The following ZFHX3 variants were observed in gnomAD, a reference collection of about 807,000 sequenced individuals.
ZFHX3 encodes the protein zinc finger homeobox protein 3.
In ZFHX3, 42 loss-of-function variants were observed where a neutral mutation model predicts 279.1. The ratio of observed to expected loss-of-function variants is 0.15; its 90% confidence interval spans 0.12 to 0.19. The LOEUF is 0.19. Among genes scored for constraint, ZFHX3 ranks in the 10% least tolerant of loss-of-function variants. ZFHX3 has a pLI of 1.00. For missense variants in ZFHX3, 4,981 were observed against 4,754.0 expected (o/e 1.05, Z -1.40); for synonymous variants, 2,293 against 1,957.8 (o/e 1.17, Z -4.52).
chr16:73,140,367 T>C (rs548757083), intron 6 of ZFHX3, among the ~76,000 whole-genome samples: 2 of 152,166 alleles, frequency 1.3e-5, no homozygotes, highest in Non-Finnish European at 2.9e-5. Flanking sequence ...ATAATCTGGC[T>C]GTGATCAAAG....
intron 3 of ZFHX3, among the ~76,000 whole-genome samples, chr16:73,449,256 TTTTTA>T (rs1454923967): frequency 6.6e-6 from 1 of 152,230 alleles, no homozygotes; most frequent in Non-Finnish European, 1.5e-5. Context: ...TGTGTGTTTA[TTTTTA>T]TTTTATTTTC....
chr16:73,194,331 C>T (rs966642936), intron 5 of ZFHX3, among the ~76,000 whole-genome samples: 1 of 152,116 alleles, frequency 6.6e-6, no homozygotes, highest in Admixed American at 6.6e-5. Context: ...TCCAGAGTAG[C>T]TGGCACTATA....
At chr16:73,613,127 G>C (rs1046716106) in intron 2 of ZFHX3, among the ~76,000 whole-genome samples, 1 of 152,118 alleles carries the variant, frequency 6.6e-6, no homozygotes, top group African/African-American at 2.4e-5. Context: ...ATTAAACCTA[G>C]ATTTTAGAAG....
chr16:72,935,041 A>G (rs1334422457), intron 3 of ZFHX3, among the ~76,000 whole-genome samples: 1 of 152,244 alleles, frequency 6.6e-6, no homozygotes, highest in African/African-American at 2.4e-5. Context: ...ATTCTGCACA[A>G]TTTCTGTTTT....
chr16:72,907,623 G>A (rs1393625466), intron 3 of ZFHX3, among the ~76,000 whole-genome samples: 5 of 145,350 alleles, frequency 3.4e-5, no homozygotes, highest in Admixed American at 1.4e-4. Flanking sequence ...TATGCACACA[G>A]GTGCAGGCTC....
At chr16:72,828,213 C>A (rs964691407) in intron 5 of ZFHX3, among the ~76,000 whole-genome samples, 1 of 152,258 alleles carries the variant, frequency 6.6e-6, no homozygotes, top group Non-Finnish European at 1.5e-5. Flanking sequence ...TAAACATTTT[C>A]TCAAAAACAA....
intron 3 of ZFHX3, among the ~76,000 whole-genome samples, chr16:72,924,030 C>T (rs1959301697): frequency 6.6e-6 from 1 of 152,170 alleles, no homozygotes; most frequent in Non-Finnish European, 1.5e-5. Flanking sequence ...CTAGCACTTG[C>T]CCCAGGCACT....
At chr16:73,627,628 C>G (rs1432536423) in intron 2 of ZFHX3, among the ~76,000 whole-genome samples, 1 of 152,264 alleles carries the variant, frequency 6.6e-6, no homozygotes, top group African/African-American at 2.4e-5. Flanking sequence ...TTTAAGAAAA[C>G]AGCTGTTGGG....
chr16:73,232,666 T>C (rs1406843266), intron 5 of ZFHX3: 1 of 152,156 alleles, frequency 6.6e-6, no homozygotes, highest in Non-Finnish European at 1.5e-5. Flanking sequence ...CTCACAGTTT[T>C]GGTATCTCCT....
chr16:73,607,188 C>G (rs562339353), intron 2 of ZFHX3, among the ~76,000 whole-genome samples: 12 of 152,168 alleles, frequency 7.9e-5, no homozygotes, highest in Non-Finnish European at 1.8e-4. Context: ...ACCACCATGC[C>G]TGGCTAATTT....
At chr16:73,715,632 G>C (rs951565878) in intron 1 of ZFHX3, among the ~76,000 whole-genome samples, 7 of 144,272 alleles carry the variant, frequency 4.9e-5, no homozygotes, top group African/African-American at 1.9e-4. Context: ...GAATGCAATG[G>C]TGCGATCTCG....
At chr16:73,135,583 A>C (rs1166898344) in intron 6 of ZFHX3, among the ~76,000 whole-genome samples, 1 of 152,194 alleles carries the variant, frequency 6.6e-6, no homozygotes, top group Non-Finnish European at 1.5e-5. Context: ...ATGACCTATG[A>C]ACTGAATGTG....
chr16:73,364,847 T>C (rs1160795905), intron 3 of ZFHX3, among the ~76,000 whole-genome samples: 1 of 152,188 alleles, frequency 6.6e-6, no homozygotes, highest in Non-Finnish European at 1.5e-5. Flanking sequence ...AGTCTAGATA[T>C]TGGGACAAGA....
At chr16:73,272,532 C>T (rs1386108894) in intron 4 of ZFHX3, among the ~76,000 whole-genome samples, 3 of 152,138 alleles carry the variant, frequency 2.0e-5, no homozygotes, top group Non-Finnish European at 4.4e-5. Context: ...ATTTACTGAG[C>T]ACCTAACTTG....
At chr16:73,423,660 G>C (rs2017759127) in intron 3 of ZFHX3, among the ~76,000 whole-genome samples, 1 of 152,158 alleles carries the variant, frequency 6.6e-6, no homozygotes, top group Admixed American at 6.5e-5. Context: ...TCAGGAGTTT[G>C]AGAGCAGCCT....
At chr16:73,328,369 C>T (rs2015734178) in intron 3 of ZFHX3, among the ~76,000 whole-genome samples, 1 of 152,168 alleles carries the variant, frequency 6.6e-6, no homozygotes, top group African/African-American at 2.4e-5. Flanking sequence ...AATGAAACAT[C>T]ACTCACTGCT....
In ZFHX3 at chr16:72,854,934, T is replaced by C. The variant is rs376695534; in HGVS notation, c.3449-25075A>G. On this transcript the variant is annotated intron_variant, in intron 4 of 9. Coordinates refer to ENST00000268489, the MANE Select transcript of ZFHX3 (RefSeq NM_006885.4). ...AAATAGAAATTAAAACACAAATTGG[T>C]GGGTGGGGGGGGGGTGTCAAATGGA... 8.6e-4 allele frequency among the ~76,000 whole-genome samples: 6 copies of C among 7,000 alleles called. No individual in the cohort carries two copies. In the Admixed American group the frequency reaches 0.011, roughly 13 times the overall value. The allele number at this position is 7,000 out of a possible 152,430, so 4.6% of individuals were successfully genotyped here.
intron 3 of ZFHX3, among the ~76,000 whole-genome samples, chr16:73,352,743 A>C (rs1304144525): frequency 6.6e-6 from 1 of 152,072 alleles, no homozygotes; most frequent in African/African-American, 2.4e-5. Flanking sequence ...GACACATAGA[A>C]GCTTTAAGTA....
chr16:73,358,296 G>T (rs1037808821), intron 3 of ZFHX3, among the ~76,000 whole-genome samples: 2 of 152,206 alleles, frequency 1.3e-5, no homozygotes, highest in Non-Finnish European at 2.9e-5. Context: ...AAGTGAAGGC[G>T]TGTCGCCTGC....
Sources: allele counts gnomAD v4.1 joint callset (sites outside exome capture counted in the v4.1 genomes callset), GRCh38; gene constraint gnomAD v4.1.1; transcripts MANE v1.5; gene names NCBI Gene and HGNC (gene_info 2026-07-23, HGNC 2026-07-21).